The following FAM135A variants were observed in gnomAD, a reference collection of about 807,000 sequenced individuals.
FAM135A encodes the protein protein FAM135A.
A neutral mutation model predicts 146.8 loss-of-function variants in FAM135A; 79 were observed. The observed-to-expected ratio is 0.54, with a 90% CI of 0.45 to 0.65. The LOEUF (loss-of-function observed/expected upper bound fraction) is 0.65. Among genes scored for constraint, FAM135A ranks in the 30% least tolerant of loss-of-function variants. The pLI is 0.00. For missense variants in FAM135A, 1,623 were observed against 1,758.2 expected, an observed-to-expected ratio of 0.92 and a Z score of 1.38; for synonymous variants, 562 against 603.6, an observed-to-expected ratio of 0.93 and a Z score of 1.01.
At chr6:70,516,118 G>T (rs1433804122) in intron 12 of FAM135A, among the ~76,000 whole-genome samples, 1 of 152,132 alleles carries the variant, frequency 6.6e-6, no homozygotes, top group Non-Finnish European at 1.5e-5. Flanking sequence ...GTTGTTTGCA[G>T]AAGGAAGAGG....
intron 8 of FAM135A, among the ~76,000 whole-genome samples, chr6:70,480,226 G>A (rs995038479): frequency 3.9e-5 from 6 of 152,066 alleles, no homozygotes; most frequent in African/African-American, 1.4e-4. Context: ...AATTGATGGT[G>A]CCTTGAAGCT....
In FAM135A at chr6:70,559,756, C is replaced by T. The variant is rs16869371; in HGVS notation, c.4383C>T (p.Pro1461=). ...YSEMIHNLLR[P]VLQSKDCNLV... ...AAATGATCCACAACTTGCTTCGACC[C>T]GTTCTGCAAAGCAAGGACTGTAATT... is the stretch of plus-strand genomic sequence containing the variant. Residue 1461 remains proline (P), a synonymous_variant, in exon 22 of 22, where the codon CCC becomes CCT. Transcript: ENST00000418814. 0.16 allele frequency: 261,638 copies of T among 1,613,570 alleles called. 21,575 individuals are homozygous for T. The highest frequency in any genetic ancestry group is 0.18 in the Middle Eastern group (1,075 of 6,060).
At chr6:70,506,339 T>C (rs1789759827) in intron 12 of FAM135A, among the ~76,000 whole-genome samples, 1 of 152,114 alleles carries the variant, frequency 6.6e-6, no homozygotes, top group African/African-American at 2.4e-5. Context: ...CGACCCAATT[T>C]TCTATGCTGT....
chr6:70,465,409 A>T (rs1299734821), intron 5 of FAM135A, among the ~76,000 whole-genome samples: 2 of 152,094 alleles, frequency 1.3e-5, no homozygotes, highest in Admixed American at 6.6e-5. Context: ...TGGATTATAT[A>T]GTAGTTCTAT....
At chr6:70,445,568 A>T (rs910775892) in intron 4 of FAM135A, among the ~76,000 whole-genome samples, 3 of 152,188 alleles carry the variant, frequency 2.0e-5, no homozygotes, top group African/African-American at 7.2e-5. Context: ...AGTATCCCTT[A>T]TGGGAAACAA....
chr6:70,476,375 C>T (rs1782638280), intron 7 of FAM135A, among the ~76,000 whole-genome samples: 1 of 152,118 alleles, frequency 6.6e-6, no homozygotes, highest in African/African-American at 2.4e-5. Context: ...TATATAAATT[C>T]AGACTGCATG....
chr6:70,554,222 T>C (rs1800390684), intron 20 of FAM135A, among the ~76,000 whole-genome samples: 1 of 152,038 alleles, frequency 6.6e-6, no homozygotes, highest in Admixed American at 6.6e-5. Flanking sequence ...GAAAAGAGAG[T>C]GCTGCCTTAT....
chr6:70,414,666 C>G (rs530843368), intron 1 of FAM135A, among the ~76,000 whole-genome samples: 5 of 152,234 alleles, frequency 3.3e-5, no homozygotes, highest in Non-Finnish European at 7.3e-5. Context: ...TCTAGTTCAT[C>G]TTCCAGTTTA....
At chr6:70,462,166 T>G (rs1054190008) in intron 5 of FAM135A, among the ~76,000 whole-genome samples, 1 of 152,220 alleles carries the variant, frequency 6.6e-6, no homozygotes, top group African/African-American at 2.4e-5. Context: ...TGGTTTAACT[T>G]TTTTTATAGC....
intron 18 of FAM135A, among the ~76,000 whole-genome samples, chr6:70,535,634 A>G (rs1796643416): frequency 6.6e-6 from 1 of 152,066 alleles, no homozygotes; most frequent in Non-Finnish European, 1.5e-5. Flanking sequence ...CTTTGGTGAA[A>G]CCAGTCCCTG....
chr6:70,472,747 G>A (rs542269351), intron 5 of FAM135A, among the ~76,000 whole-genome samples: 16 of 152,240 alleles, frequency 1.1e-4, no homozygotes, highest in African/African-American at 3.4e-4. Flanking sequence ...CTTTTGTGGA[G>A]ACTACAAACC....
chr6:70,459,184 T>G (rs1410005252), intron 5 of FAM135A, among the ~76,000 whole-genome samples: 1 of 152,162 alleles, frequency 6.6e-6, no homozygotes, highest in Non-Finnish European at 1.5e-5. Flanking sequence ...TTCTTTTAAC[T>G]TTGATTCGTA....
At chr6:70,520,145 C>G (rs1793241595) in intron 12 of FAM135A, among the ~76,000 whole-genome samples, 1 of 151,828 alleles carries the variant, frequency 6.6e-6, no homozygotes, top group Admixed American at 6.6e-5. Context: ...TGTGTACTTA[C>G]CTCTGTAATT....
intron 20 of FAM135A, among the ~76,000 whole-genome samples, chr6:70,551,462 A>G (rs1356996494): frequency 6.6e-6 from 1 of 152,176 alleles, no homozygotes; most frequent in Non-Finnish European, 1.5e-5. Flanking sequence ...TAACAAAAAA[A>G]ATACCCAATG....
At chr6:70,445,707 T>G (rs1775544770) in intron 4 of FAM135A, among the ~76,000 whole-genome samples, 1 of 152,224 alleles carries the variant, frequency 6.6e-6, no homozygotes. Flanking sequence ...CCACCCTGGG[T>G]GGGCCAGGTG....
At position 70,526,172 on chromosome 6, in the gene FAM135A, A is replaced by T; in HGVS notation, c.3088A>T (p.Ser1030Cys). ...HLGTSDPFSASTDIVKQGLVE... is the reference protein window; with the variant it reads ...HLGTSDPFSACTDIVKQGLVE... ...GGGTACAAGTGATCCTTTTTCAGCC[A>T]GTACTGATATAGTAAAGCAAGGGCT... The change falls in exon 15 of 22, where the codon AGT (serine) becomes TGT (cysteine). Residue 1030 changes from serine to cysteine, a missense_variant. This residue lies in a region of FAM135A where 1,061 missense variants were observed against 1,113.8 expected (regional missense o/e 0.95). Coordinates refer to ENST00000418814, the MANE Select transcript of FAM135A (RefSeq NM_001162529.3). The T allele has an allele frequency of 6.2e-7, 1 of 1,613,516 alleles. No individual in the cohort carries two copies. The highest frequency in any genetic ancestry group is 8.5e-7 in the Non-Finnish European group (1 of 1,179,636).
intron 4 of FAM135A, among the ~76,000 whole-genome samples, chr6:70,446,990 C>T (rs991420092): frequency 6.6e-6 from 1 of 152,206 alleles, no homozygotes; most frequent in Non-Finnish European, 1.5e-5. Context: ...GTTGAATAGT[C>T]CCAGGTTGTC....
At chr6:70,431,023 A>G (rs1771465559) in intron 4 of FAM135A, among the ~76,000 whole-genome samples, 1 of 152,116 alleles carries the variant, frequency 6.6e-6, no homozygotes, top group Admixed American at 6.5e-5. Context: ...AGCATATTAC[A>G]TCACTCCATA....
chr6:70,510,129 C>T (rs1297971159), intron 12 of FAM135A, among the ~76,000 whole-genome samples: 6 of 151,600 alleles, frequency 4.0e-5, no homozygotes, highest in Admixed American at 3.9e-4. Flanking sequence ...AGTATGCTGC[C>T]GTTGGTCTAA....
Sources: allele counts gnomAD v4.1 joint callset (sites outside exome capture counted in the v4.1 genomes callset), GRCh38; gene constraint gnomAD v4.1.1; regional missense constraint gnomAD v4.1.1; transcripts MANE v1.5; gene names NCBI Gene and HGNC (gene_info 2026-07-23, HGNC 2026-07-21).